CERKL: variants seen among roughly 807,000 people sequenced by gnomAD.
The protein encoded by CERKL is CERK like autophagy regulator.
A neutral mutation model predicts 63.4 loss-of-function variants in CERKL; 61 were observed. The ratio of observed to expected loss-of-function variants is 0.96; its 90% CI spans 0.78 to 1.19. The LOEUF (loss-of-function observed/expected upper bound fraction) is 1.19, where lower values mean the gene tolerates loss of function less well. CERKL is among the 50% of genes most tolerant of loss of function. The pLI is 0.00. For synonymous variants in CERKL, 250 were observed against 230.5 expected (o/e 1.08, Z -0.77); for missense variants, 675 against 655.5 (o/e 1.03, Z -0.33).
At chr2:181,637,584 T>C (rs1001882117) in intron 1 of CERKL, among the ~76,000 whole-genome samples, 2 of 152,040 alleles carry the variant, frequency 1.3e-5, no homozygotes, top group Non-Finnish European at 2.9e-5. Flanking sequence ...TTTATTTATA[T>C]AAAATAAAAG....
intron 1 of CERKL, among the ~76,000 whole-genome samples, chr2:181,616,968 A>G (rs113430802): frequency 9.8e-5 from 15 of 152,358 alleles, no homozygotes; most frequent in African/African-American, 3.6e-4. Context: ...AACGATTTTT[A>G]TAATAATACT....
Position 181,544,809 on chromosome 2 carries a change from A to G in CERKL, c.1269-13T>C. On this transcript the variant is annotated splice_polypyrimidine_tract_variant and intron_variant, in intron 10 of 12. Coordinates refer to ENST00000410087, the MANE Select transcript of CERKL (RefSeq NM_201548.5). ...TCCATTATTTAATCTGAAATTAAAT[A>G]TTTCTATTAGACATCAAGAAATTTA... 6.6e-7 allele frequency: 1 copy of G among 1,522,016 alleles called. No homozygotes were observed. The highest frequency in any genetic ancestry group is 9.1e-7 in the Non-Finnish European group (1 of 1,102,246). 94.3% of individuals were successfully genotyped at this position (1,522,016 alleles called of 1,614,324 possible). A position where few individuals can be genotyped will look rare whatever the true frequency, so the allele number is the denominator to read the frequency against.
intron 2 of CERKL, among the ~76,000 whole-genome samples, chr2:181,600,168 TACC>T (rs1685398147): frequency 6.6e-6 from 1 of 152,180 alleles, no homozygotes; most frequent in South Asian, 2.1e-4. Flanking sequence ...GGGAATTTGT[TACC>T]ACCACACCTG....
At chr2:181,634,470 A>G (rs1287827370) in intron 1 of CERKL, among the ~76,000 whole-genome samples, 2 of 152,124 alleles carry the variant, frequency 1.3e-5, no homozygotes, top group Non-Finnish European at 2.9e-5. Context: ...AGCAGTAATG[A>G]CCAGTGGTCT....
At position 181,558,729 on chromosome 2, in the gene CERKL, C is replaced by T; in HGVS notation, c.678-21G>A. The T allele has an allele frequency of 1.9e-6, 3 of 1,612,586 alleles. No individual in the cohort carries two copies. Among genetic ancestry groups the T allele is most frequent in the Non-Finnish European group, 2.5e-6 (3 of 1,179,168 alleles). On this transcript the variant is annotated intron_variant, in intron 4 of 12. Transcript: ENST00000410087. The surrounding 1 kb of genome is among the most constrained non-coding windows in gnomAD (Gnocchi z 4.2). ...CAACACTAGAAAAATACAAATCAAG[C>T]AAAGAAGGCAAAACTTCAGAATGAT...
At chr2:181,624,372 TAA>T (rs59657204) in intron 1 of CERKL, among the ~76,000 whole-genome samples, 139 of 141,858 alleles carry the variant, frequency 9.8e-4, no homozygotes, top group African/African-American at 2.7e-3. Context: ...TAGTAAAAGT[TAA>T]AAAAAAAAAA....
intron 1 of CERKL, among the ~76,000 whole-genome samples, chr2:181,619,329 T>A (rs1186345078): frequency 6.6e-6 from 1 of 151,864 alleles, no homozygotes; most frequent in East Asian, 1.9e-4. Flanking sequence ...ACCTAGTCTT[T>A]TTTTTTTTGG....
intron 11 of CERKL, among the ~76,000 whole-genome samples, chr2:181,542,028 A>C (rs1470261678): frequency 6.6e-6 from 1 of 152,214 alleles, no homozygotes; most frequent in Non-Finnish European, 1.5e-5. Flanking sequence ...GTGAGGGGCA[A>C]TGAGGCCATC....
chr2:181,626,413 A>G (rs1686706484), intron 1 of CERKL, among the ~76,000 whole-genome samples: 1 of 152,156 alleles, frequency 6.6e-6, no homozygotes, highest in East Asian at 1.9e-4. Flanking sequence ...AACAGCCGCC[A>G]TTGAGATGGT....
At chr2:181,641,922 C>G (rs1437726876) in intron 1 of CERKL, among the ~76,000 whole-genome samples, 3 of 152,178 alleles carry the variant, frequency 2.0e-5, no homozygotes, top group East Asian at 1.9e-4. Context: ...AAAATTCACT[C>G]TACATTTGTT....
intron 3 of CERKL, among the ~76,000 whole-genome samples, chr2:181,571,086 ATATAT>A (rs1486222034): frequency 6.6e-6 from 1 of 152,182 alleles, no homozygotes; most frequent in Non-Finnish European, 1.5e-5. Context: ...AAAGTTTCAA[ATATAT>A]TATTTCAACT....
At chr2:181,555,740 G>C (rs1688174835) in intron 5 of CERKL, among the ~76,000 whole-genome samples, 1 of 149,976 alleles carries the variant, frequency 6.7e-6, no homozygotes, top group African/African-American at 2.5e-5. Context: ...TATGGGGATG[G>C]ACATTATTAA....
chr2:181,593,931 C>T (rs1685089766), intron 2 of CERKL, among the ~76,000 whole-genome samples: 1 of 151,188 alleles, frequency 6.6e-6, no homozygotes, highest in African/African-American at 2.4e-5. Context: ...CTTGTTCTAC[C>T]ACTTTATAAG....
intron 1 of CERKL, among the ~76,000 whole-genome samples, chr2:181,643,515 A>G (rs972368225): frequency 6.6e-6 from 1 of 152,242 alleles, no homozygotes; most frequent in Non-Finnish European, 1.5e-5. Context: ...ACAAATCATA[A>G]TGAGCATTTG....
At chr2:181,549,583 A>G (rs753157290) in intron 6 of CERKL, 51 bp downstream of exon 6, 1 of 1,346,280 alleles carries the variant, frequency 7.4e-7, no homozygotes, top group Non-Finnish European at 1.1e-6. Context: ...CCTTCCTTAT[A>G]TAAATCAACA....
intron 1 of CERKL, 67 bp from the exon 2 acceptor site, chr2:181,604,146 G>A: frequency 7.5e-7 from 1 of 1,325,068 alleles, no homozygotes; most frequent in South Asian, 1.2e-5. Flanking sequence ...CAGACACTGG[G>A]GCTTACCAGA....
At chr2:181,599,535 TCAAAACAAAA>T (rs60448862) in intron 2 of CERKL, among the ~76,000 whole-genome samples, 30 of 148,468 alleles carry the variant, frequency 2.0e-4, no homozygotes, top group African/African-American at 6.5e-4. Context: ...AGACTCCATC[TCAAAACAAAA>T]CAAAACAAAA....
chr2:181,646,826 T>C (rs1475241667), intron 1 of CERKL, among the ~76,000 whole-genome samples: 2 of 152,152 alleles, frequency 1.3e-5, no homozygotes, highest in Non-Finnish European at 2.9e-5. Flanking sequence ...AGAGTTTCAG[T>C]AGAGAAAGAA....
intron 2 of CERKL, among the ~76,000 whole-genome samples, chr2:181,599,836 G>C (rs1685383488): frequency 6.6e-6 from 1 of 152,084 alleles, no homozygotes; most frequent in Non-Finnish European, 1.5e-5. Flanking sequence ...TTAACATCCA[G>C]ATACAAGAAA....
Sources: gnomAD v4.1 joint callset for allele counts (sites outside exome capture counted in the v4.1 genomes callset) on GRCh38, gnomAD v4.1.1 for gene constraint, Gnocchi (gnomAD v3.1) non-coding constraint, MANE v1.5 for transcripts, NCBI Gene and HGNC (gene_info 2026-07-23, HGNC 2026-07-21) for gene names.